CADPS2: variants seen among roughly 807,000 people sequenced by gnomAD.
CADPS2 encodes the protein calcium dependent secretion activator 2.
In CADPS2, 93 loss-of-function variants were observed where a neutral mutation model predicts 172.5. The ratio of observed to expected loss-of-function variants is 0.54; its 90% CI spans 0.46 to 0.64. The LOEUF (loss-of-function observed/expected upper bound fraction) is 0.64. Among genes scored for constraint, CADPS2 ranks in the 30% least tolerant of loss-of-function variants. The pLI, the probability that CADPS2 is intolerant of heterozygous loss-of-function variation, is 0.00. For synonymous variants in CADPS2, 546 were observed against 555.2 expected, an observed-to-expected ratio of 0.98 and a Z score of 0.23; for missense variants, 1,420 against 1,565.9, an observed-to-expected ratio of 0.91 and a Z score of 1.57.
intron 23 of CADPS2, 40 bp from the exon 24 acceptor site, chr7:122,387,213 T>C (rs2043802931): frequency 1.9e-6 from 3 of 1,544,426 alleles, no homozygotes. Flanking sequence ...GAAATTCTGC[T>C]ATACAGCTCA....
At chr7:122,622,249 T>C (rs1479208618) in intron 4 of CADPS2, among the ~76,000 whole-genome samples, 1 of 152,216 alleles carries the variant, frequency 6.6e-6, no homozygotes, top group Non-Finnish European at 1.5e-5. Flanking sequence ...GTCATATTTC[T>C]AAAATTAGTA....
intron 1 of CADPS2, among the ~76,000 whole-genome samples, chr7:122,780,747 G>T (rs898982800): frequency 6.6e-6 from 1 of 152,162 alleles, no homozygotes; most frequent in African/African-American, 2.4e-5. Context: ...GGCACAAGCA[G>T]TTCTTCCACC....
intron 4 of CADPS2, among the ~76,000 whole-genome samples, chr7:122,627,418 G>T (rs1033555549): frequency 6.6e-6 from 1 of 152,138 alleles, no homozygotes; most frequent in African/African-American, 2.4e-5. Context: ...ATTTTTAGAG[G>T]TATATTTTGC....
At chr7:122,860,493 A>G (rs1816660656) in intron 1 of CADPS2, among the ~76,000 whole-genome samples, 1 of 152,128 alleles carries the variant, frequency 6.6e-6, no homozygotes, top group South Asian at 2.1e-4. Context: ...TCATCCTCCC[A>G]AAGTGCTGTG....
At chr7:122,596,441 T>C (rs1023316822) in intron 6 of CADPS2, among the ~76,000 whole-genome samples, 1 of 152,124 alleles carries the variant, frequency 6.6e-6, no homozygotes, top group African/African-American at 2.4e-5. Context: ...GCACCTATTA[T>C]GTGCCATTTA....
intron 1 of CADPS2, among the ~76,000 whole-genome samples, chr7:122,822,558 CCT>C (rs1803655347): frequency 1.4e-5 from 2 of 145,486 alleles, no homozygotes; most frequent in African/African-American, 5.1e-5. Context: ...AAATGTCAGG[CCT>C]CTGAGCCCAA....
intron 17 of CADPS2, among the ~76,000 whole-genome samples, chr7:122,431,375 G>T (rs187328516): frequency 6.6e-6 from 1 of 152,206 alleles, no homozygotes; most frequent in Admixed American, 6.5e-5. Context: ...TATACATTGT[G>T]TTGGATTATA....
chr7:122,346,351 G>A (rs537943601), intron 27 of CADPS2, among the ~76,000 whole-genome samples: 2 of 152,304 alleles, frequency 1.3e-5, no homozygotes, highest in South Asian at 4.1e-4. Flanking sequence ...CTGGGCAACA[G>A]AGCCAGACCC....
At chr7:122,362,292 C>T (rs1344388718) in intron 25 of CADPS2, among the ~76,000 whole-genome samples, 2 of 152,102 alleles carry the variant, frequency 1.3e-5, no homozygotes, top group Admixed American at 6.6e-5. Context: ...AACAGATACA[C>T]ACTGCAGAGT....
intron 1 of CADPS2, among the ~76,000 whole-genome samples, chr7:122,798,106 TA>T (rs201018789): frequency 1.9e-4 from 29 of 150,798 alleles, no homozygotes; most frequent in African/African-American, 5.6e-4. Context: ...GTTGTTGCAT[TA>T]AAAAAAAACT....
At chr7:122,728,797 T>C (rs918386400) in intron 2 of CADPS2, among the ~76,000 whole-genome samples, 5 of 151,950 alleles carry the variant, frequency 3.3e-5, no homozygotes, top group South Asian at 2.1e-4. Context: ...TATTCTGTTA[T>C]AGGCATAAGG....
At chr7:122,618,322 TA>T (rs2075199775) in intron 5 of CADPS2, among the ~76,000 whole-genome samples, 1 of 152,278 alleles carries the variant, frequency 6.6e-6, no homozygotes, top group Admixed American at 6.5e-5. Context: ...AGGCACTGTT[TA>T]GGCACTTTCA....
chr7:122,784,548 C>A (rs904695746), intron 1 of CADPS2, among the ~76,000 whole-genome samples: 4 of 152,112 alleles, frequency 2.6e-5, no homozygotes, highest in Non-Finnish European at 4.4e-5. Context: ...CTCTCAAGTC[C>A]TTTTCTTAAT....
intron 6 of CADPS2, among the ~76,000 whole-genome samples, chr7:122,603,843 T>C (rs2073128688): frequency 6.6e-6 from 1 of 152,120 alleles, no homozygotes; most frequent in African/African-American, 2.4e-5. Context: ...CTAAAAAAGT[T>C]AAACTCATAG....
At chr7:122,415,601 C>CAAAAAAAAAAAAAAAAAA (rs549530021) in intron 18 of CADPS2, among the ~76,000 whole-genome samples, 1 of 64,960 alleles carries the variant, frequency 1.5e-5, no homozygotes, top group Non-Finnish European at 3.5e-5. Context: ...AATACAGAAC[C>CAAAAAAAAAAAAAAAAAA]AAAAAAAAAA....
At position 122,347,254 on chromosome 7, in the gene CADPS2, ATCT is replaced by A. The variant is rs1208731087; in HGVS notation, c.3505-1576_3505-1574del. The stretch of plus-strand genomic sequence containing the variant: ...TGAGTGATGCTAGGACAGTAGTCAC[ATCT>A]TCTCCCTAAATGAAAGAGAGTTCTT... On this transcript the variant is annotated intron_variant, in intron 27 of 29. Transcript: ENST00000449022. 2.6e-5 allele frequency among the ~76,000 whole-genome samples: 4 copies of A among 152,216 alleles called. No homozygotes were observed. In the East Asian group the frequency reaches 7.7e-4, roughly 29 times the overall value.
At chr7:122,728,095 G>A (rs2091285756) in intron 2 of CADPS2, among the ~76,000 whole-genome samples, 2 of 151,828 alleles carry the variant, frequency 1.3e-5, no homozygotes, top group African/African-American at 4.8e-5. Context: ...AAGGTATTTA[G>A]ACAGGTCAAA....
chr7:122,435,042 TG>T (rs1215044199), intron 17 of CADPS2, among the ~76,000 whole-genome samples: 2 of 152,178 alleles, frequency 1.3e-5, no homozygotes, highest in African/African-American at 4.8e-5. Context: ...TTTTTAGAGA[TG>T]AATGGCCTAT....
chr7:122,683,902 T>C (rs1186020747), intron 2 of CADPS2, among the ~76,000 whole-genome samples: 2 of 152,066 alleles, frequency 1.3e-5, no homozygotes, highest in African/African-American at 2.4e-5. Context: ...TGTCCTGGTG[T>C]GAGTTAGTGT....
Sources: allele counts gnomAD v4.1 joint callset (sites outside exome capture counted in the v4.1 genomes callset), GRCh38; gene constraint gnomAD v4.1.1; transcripts MANE v1.5; gene names NCBI Gene and HGNC (gene_info 2026-07-23, HGNC 2026-07-21).